Variants in RAD54L2 observed in about 807,000 individuals in gnomAD.
RAD54L2 encodes the protein RAD54 like 2.
Under a neutral mutation model 138.4 loss-of-function variants are expected in RAD54L2, and 27 were observed. That is an observed-to-expected ratio of 0.20 (90% CI 0.14 to 0.27). The LOEUF (loss-of-function observed/expected upper bound fraction) is 0.27, where lower values mean the gene tolerates loss of function less well. RAD54L2 is among the 10% of genes least tolerant of loss of function. The pLI is 1.00. For synonymous variants in RAD54L2, 644 were observed against 723.2 expected (o/e 0.89, Z 1.76); for missense variants, 1,396 against 1,890.2 (o/e 0.74, Z 4.85).
chr3:51,640,713 A>C (rs1384858445), intron 14 of RAD54L2, among the ~76,000 whole-genome samples: 2 of 152,232 alleles, frequency 1.3e-5, no homozygotes, highest in Non-Finnish European at 2.9e-5. Flanking sequence ...TTCTAAGGAC[A>C]CTGGCTCTCA....
intron 3 of RAD54L2, among the ~76,000 whole-genome samples, chr3:51,598,800 G>T (rs554554436): frequency 1.1e-4 from 17 of 152,192 alleles, no homozygotes; most frequent in African/African-American, 4.1e-4. Flanking sequence ...AGAGCTTATG[G>T]ATAGCTGAAC....
chr3:51,550,511 C>G (rs1183878838), intron 2 of RAD54L2, among the ~76,000 whole-genome samples: 1 of 152,040 alleles, frequency 6.6e-6, no homozygotes, highest in Non-Finnish European at 1.5e-5. Context: ...GCCTGTAATC[C>G]CAACACTTTG....
intron 3 of RAD54L2, among the ~76,000 whole-genome samples, chr3:51,594,734 G>A (rs947706837): frequency 4.6e-5 from 7 of 151,908 alleles, no homozygotes; most frequent in African/African-American, 1.2e-4. Context: ...ATGATGAGCC[G>A]TCTTATTTGT....
At chr3:51,556,708 C>T (rs997667502) in intron 2 of RAD54L2, among the ~76,000 whole-genome samples, 1 of 152,144 alleles carries the variant, frequency 6.6e-6, no homozygotes, top group African/African-American at 2.4e-5. Context: ...TCCAGAGTAG[C>T]TGGGATTACA....
chr3:51,570,803 A>G (rs1411985389), intron 2 of RAD54L2, among the ~76,000 whole-genome samples: 1 of 152,156 alleles, frequency 6.6e-6, no homozygotes. Flanking sequence ...GTCTTTGTAC[A>G]GAAAATGCAT....
intron 7 of RAD54L2, 104 bp from the exon 8 acceptor site, chr3:51,633,473 T>TA: frequency 8.8e-7 from 1 of 1,139,880 alleles, no homozygotes; most frequent in Non-Finnish European, 1.3e-6. Context: ...CTATCTATTA[T>TA]AACGCCTTCT....
intron 2 of RAD54L2, among the ~76,000 whole-genome samples, chr3:51,555,875 A>T (rs1698950787): frequency 6.6e-6 from 1 of 152,208 alleles, no homozygotes; most frequent in Non-Finnish European, 1.5e-5. Context: ...AATTAAAGTC[A>T]AATGGTTGAA....
chr3:51,623,073 C>T (rs2106782894), intron 3 of RAD54L2, among the ~76,000 whole-genome samples: 1 of 152,342 alleles, frequency 6.6e-6, no homozygotes, highest in Admixed American at 6.5e-5. Context: ...GGCCTGGAAC[C>T]TAGCAGATGT....
intron 2 of RAD54L2, among the ~76,000 whole-genome samples, chr3:51,572,727 C>T (rs1699365110): frequency 6.6e-6 from 1 of 151,074 alleles, no homozygotes; most frequent in Non-Finnish European, 1.5e-5. Context: ...CAACCTCCGC[C>T]TCCCGGGTTC....
chr3:51,568,662 A>C (rs1303598322), intron 2 of RAD54L2, among the ~76,000 whole-genome samples: 1 of 152,180 alleles, frequency 6.6e-6, no homozygotes, highest in Non-Finnish European at 1.5e-5. Flanking sequence ...GAAACTATGC[A>C]GACCTACATG....
Position 51,638,453 on chromosome 3 carries a change from G to A in RAD54L2, c.1860+132G>A. 1 of 1,043,412 alleles carries A rather than the reference G, an allele frequency of 9.6e-7. No individual in the cohort carries two copies. Among genetic ancestry groups the A allele is most frequent in the Non-Finnish European group, 1.4e-6 (1 of 725,140 alleles). The allele number at this position is 1,043,412 out of a possible 1,614,324, so 64.6% of individuals were successfully genotyped here. On this transcript the variant is annotated intron_variant, in intron 12 of 22. Coordinates refer to ENST00000684192, the MANE Select transcript of RAD54L2 (RefSeq NM_015106.4). The surrounding 1 kb of genome is among the most constrained non-coding windows in gnomAD (Gnocchi z 4.3). ...GGGGGCCACCTCAGTTCACTGCACT[G>A]GAGGTTTGGGGGCTCCAAGGAGAGA... is the stretch of plus-strand genomic sequence containing the variant.
At chr3:51,574,009 C>T (rs1409430512) in intron 2 of RAD54L2, among the ~76,000 whole-genome samples, 1 of 125,350 alleles carries the variant, frequency 8.0e-6, no homozygotes, top group African/African-American at 3.0e-5. Flanking sequence ...CCCCACCCCA[C>T]AATAGGCCCC....
At chr3:51,545,086 T>A (rs1263172999) in intron 2 of RAD54L2, among the ~76,000 whole-genome samples, 1 of 152,246 alleles carries the variant, frequency 6.6e-6, no homozygotes, top group Admixed American at 6.5e-5. Context: ...CTCAGTCTAA[T>A]ACTGTACTAA....
intron 2 of RAD54L2, among the ~76,000 whole-genome samples, chr3:51,557,646 G>A (rs1332872557): frequency 7.9e-5 from 12 of 151,644 alleles, no homozygotes; most frequent in Non-Finnish European, 1.6e-4. Context: ...CCTGATCAAC[G>A]TGGTGAAACC....
intron 21 of RAD54L2, among the ~76,000 whole-genome samples, chr3:51,659,780 G>C (rs1701712196): frequency 6.6e-6 from 1 of 152,126 alleles, no homozygotes; most frequent in Admixed American, 6.5e-5. Context: ...GCCTTTTTCT[G>C]CCTTGTGCCT....
At chr3:51,606,057 C>G (rs757917219) in intron 3 of RAD54L2, among the ~76,000 whole-genome samples, 1 of 152,116 alleles carries the variant, frequency 6.6e-6, no homozygotes, top group Non-Finnish European at 1.5e-5. Context: ...GAGAGCACTG[C>G]GATTTTGAGG....
At chr3:51,611,372 G>A (rs1700324789) in intron 3 of RAD54L2, 1 of 151,934 alleles carries the variant, frequency 6.6e-6, no homozygotes. Context: ...ATGGAAGGTG[G>A]GGTATCCATC....
At chr3:51,605,361 T>A (rs1208696501) in intron 3 of RAD54L2, among the ~76,000 whole-genome samples, 1 of 151,668 alleles carries the variant, frequency 6.6e-6, no homozygotes, top group East Asian at 1.9e-4. Flanking sequence ...AGTGCTGAGA[T>A]TACAACTGTG....
At chr3:51,547,216 G>A (rs1553672477) in intron 2 of RAD54L2, among the ~76,000 whole-genome samples, 2 of 151,980 alleles carry the variant, frequency 1.3e-5, no homozygotes, top group African/African-American at 4.8e-5. Flanking sequence ...GCTGGGCAAG[G>A]TGACACACAC....
Sources: allele counts gnomAD v4.1 joint callset (sites outside exome capture counted in the v4.1 genomes callset), GRCh38; gene constraint gnomAD v4.1.1; non-coding constraint Gnocchi (gnomAD v3.1); transcripts MANE v1.5; gene names NCBI Gene and HGNC (gene_info 2026-07-23, HGNC 2026-07-21).